USH2A: variants seen among roughly 807,000 people sequenced by gnomAD.
USH2A encodes Usher syndrome 2A (autosomal recessive, mild).
In USH2A, 443 loss-of-function variants were observed where a neutral mutation model predicts 538.9. The ratio of observed to expected loss-of-function variants is 0.82; its 90% CI spans 0.76 to 0.89. The LOEUF (loss-of-function observed/expected upper bound fraction) is 0.89. USH2A is among the 40% of genes least tolerant of loss of function. USH2A has a pLI of 0.00. For missense variants in USH2A, 6,633 were observed against 6,324.8 expected, an observed-to-expected ratio of 1.05 and a Z score of -1.65; for synonymous variants, 2,413 against 2,273.5, an observed-to-expected ratio of 1.06 and a Z score of -1.75.
At chr1:215,683,216 T>TACACACACACACAC (rs71167830) in intron 61 of USH2A, among the ~76,000 whole-genome samples, 14 of 149,578 alleles carry the variant, frequency 9.4e-5, no homozygotes, top group African/African-American at 3.2e-4. Flanking sequence ...AATAGTTTTA[T>TACACACACACACAC]ACACACACAC....
At chr1:215,903,410 C>T (rs1243447290) in intron 38 of USH2A, among the ~76,000 whole-genome samples, 2 of 151,984 alleles carry the variant, frequency 1.3e-5, no homozygotes, top group Non-Finnish European at 2.9e-5. Flanking sequence ...TAGAAAAGCT[C>T]ATGATATCAA....
intron 3 of USH2A, among the ~76,000 whole-genome samples, chr1:216,405,530 T>G (rs1196419578): frequency 6.6e-6 from 1 of 152,108 alleles, no homozygotes; most frequent in Non-Finnish European, 1.5e-5. Flanking sequence ...AATAGTAAAA[T>G]AAATGTAGCC....
At chr1:216,251,174 G>A (rs889512256) in intron 11 of USH2A, 76 bp from the exon 12 acceptor site, 1 of 1,431,670 alleles carries the variant, frequency 7.0e-7, no homozygotes, top group Non-Finnish European at 9.8e-7. Context: ...GTACAAGACA[G>A]GGAGGGAGGG....
At chr1:216,284,713 G>T (rs529473790) in intron 11 of USH2A, among the ~76,000 whole-genome samples, 2 of 152,212 alleles carry the variant, frequency 1.3e-5, no homozygotes, top group East Asian at 3.9e-4. Context: ...AAGTTTGAAA[G>T]AGATTGGAGG....
intron 3 of USH2A, among the ~76,000 whole-genome samples, chr1:216,376,772 A>G (rs2038830105): frequency 6.6e-6 from 1 of 152,180 alleles, no homozygotes; most frequent in Non-Finnish European, 1.5e-5. Context: ...ATATGTAGAC[A>G]GATATATAGA....
At chr1:216,178,044 A>T (rs767421094) in intron 20 of USH2A, among the ~76,000 whole-genome samples, 2 of 152,214 alleles carry the variant, frequency 1.3e-5, no homozygotes, top group Non-Finnish European at 2.9e-5. Context: ...TGAAGCCCTT[A>T]AACCATGAAA....
intron 49 of USH2A, among the ~76,000 whole-genome samples, chr1:215,806,263 A>T (rs1662498161): frequency 2.0e-5 from 3 of 149,514 alleles, no homozygotes; most frequent in Non-Finnish European, 1.5e-5. Context: ...TTGAATCAAC[A>T]TATTTTTTGT....
At chr1:215,713,539 G>A (rs1331232133) in intron 61 of USH2A, among the ~76,000 whole-genome samples, 1 of 152,130 alleles carries the variant, frequency 6.6e-6, no homozygotes, top group African/African-American at 2.4e-5. Flanking sequence ...GCAGAGACTT[G>A]CCATCAGATG....
intron 16 of USH2A, among the ~76,000 whole-genome samples, chr1:216,206,465 A>G (rs2035113925): frequency 6.6e-6 from 1 of 152,092 alleles, no homozygotes; most frequent in South Asian, 2.1e-4. Context: ...ACAGTTCGCA[A>G]TAGGATTCCT....
rs111558763 is a variant in USH2A at position 216,131,061 on chromosome 1, G to A, written c.4628-33848C>T. Among the ~76,000 whole-genome samples, 663 of 152,006 alleles carry A rather than the reference G, an allele frequency of 4.4e-3. 1 individual carries two copies. The highest frequency in any genetic ancestry group is 0.015 in the African/African-American group (634 of 41,474). ...TGATTTGCATTTCTCTATCATTAGC[G>A]ATGTTGAGCATGTTTTTAATATGTC... On this transcript the variant is annotated intron_variant, in intron 21 of 71. Transcript: ENST00000307340.
intron 52 of USH2A, among the ~76,000 whole-genome samples, chr1:215,784,825 T>C (rs2102765200): frequency 6.6e-6 from 1 of 152,260 alleles, no homozygotes; most frequent in East Asian, 1.9e-4. Flanking sequence ...CCTCATAACA[T>C]TATATCAGTA....
chr1:215,995,144 T>C (rs949743547), intron 34 of USH2A, among the ~76,000 whole-genome samples: 1 of 152,170 alleles, frequency 6.6e-6, no homozygotes, highest in Admixed American at 6.5e-5. Flanking sequence ...ATACAACATA[T>C]AAGTATATAT....
chr1:215,930,511 T>C (rs1666337189), intron 38 of USH2A, among the ~76,000 whole-genome samples: 1 of 152,092 alleles, frequency 6.6e-6, no homozygotes, highest in South Asian at 2.1e-4. Context: ...TCTAAGCTTC[T>C]TTGCCTTCCT....
intron 49 of USH2A, among the ~76,000 whole-genome samples, chr1:215,813,494 T>G (rs979598390): frequency 1.3e-5 from 2 of 152,162 alleles, no homozygotes; most frequent in African/African-American, 4.8e-5. Context: ...ATCTCCAGAT[T>G]TATTTCTTTC....
At chr1:216,299,707 T>A (rs1431800489) in intron 9 of USH2A, among the ~76,000 whole-genome samples, 1 of 152,122 alleles carries the variant, frequency 6.6e-6, no homozygotes, top group African/African-American at 2.4e-5. Flanking sequence ...AGTTTTAAAT[T>A]ACACACAGAT....
intron 44 of USH2A, among the ~76,000 whole-genome samples, chr1:215,863,649 A>AAGAG (rs35657853): frequency 1.4e-5 from 2 of 141,160 alleles, no homozygotes; most frequent in African/African-American, 2.8e-5. Context: ...AATAGGAAGA[A>AAGAG]AGAGAGAGAG....
At chr1:216,375,605 C>T (rs893326524) in intron 3 of USH2A, among the ~76,000 whole-genome samples, 3 of 152,136 alleles carry the variant, frequency 2.0e-5, no homozygotes, top group Admixed American at 2.0e-4. Context: ...CAAATTTTCT[C>T]CACATCAGCA....
chr1:216,377,995 G>T (rs543406065), intron 3 of USH2A, among the ~76,000 whole-genome samples: 1 of 152,112 alleles, frequency 6.6e-6, no homozygotes, highest in East Asian at 1.9e-4. Flanking sequence ...GTGGGGCTGT[G>T]TGCTTCGGAT....
chr1:215,936,666 A>G (rs916297436), intron 37 of USH2A, among the ~76,000 whole-genome samples: 1 of 152,092 alleles, frequency 6.6e-6, no homozygotes, highest in African/African-American at 2.4e-5. Flanking sequence ...ATTCAGAACT[A>G]GCAAGTGATT....
Sources: gnomAD v4.1 joint callset for allele counts (sites outside exome capture counted in the v4.1 genomes callset) on GRCh38, gnomAD v4.1.1 for gene constraint, MANE v1.5 for transcripts, NCBI Gene and HGNC (gene_info 2026-07-23, HGNC 2026-07-21) for gene names.